VPS13A: variants seen among roughly 807,000 people sequenced by gnomAD.
VPS13A encodes vacuolar protein sorting 13 homolog A, also known as intermembrane lipid transfer protein VPS13A.
A neutral mutation model predicts 390.9 loss-of-function variants in VPS13A; 264 were observed. That is an observed-to-expected ratio of 0.68 (90% CI 0.61 to 0.75). The LOEUF (loss-of-function observed/expected upper bound fraction) is 0.75. VPS13A is among the 30% of genes least tolerant of loss of function. The pLI, the probability that VPS13A is intolerant of heterozygous loss-of-function variation, is 0.00. For synonymous variants in VPS13A, 1,231 were observed against 1,227.1 expected (o/e 1.00, Z -0.07); for missense variants, 3,409 against 3,733.9 (o/e 0.91, Z 2.27).
Position 77,381,975 on chromosome 9 carries a change from G to T in VPS13A, c.9078-1G>T. The T allele has an allele frequency of 6.3e-7, 1 of 1,592,556 alleles. No individual in the cohort carries two copies. ...ATAAAGTTATATTTTTTTTCCTCTA[G>T]AGCTACAGAGACTTCTGAAGTGGAG... On this transcript the variant is annotated splice_acceptor_variant, in intron 67 of 71. Transcript: ENST00000360280. LOFTEE classifies it high-confidence loss of function.
chr9:77,379,236 C>A (rs576950977), intron 67 of VPS13A, among the ~76,000 whole-genome samples: 1 of 145,264 alleles, frequency 6.9e-6, no homozygotes, highest in Non-Finnish European at 1.5e-5. Flanking sequence ...CCATACCCAG[C>A]TAATTTTTTT....
intron 19 of VPS13A, among the ~76,000 whole-genome samples, chr9:77,242,802 A>T (rs1316330778): frequency 6.6e-6 from 1 of 151,984 alleles, no homozygotes; most frequent in African/African-American, 2.4e-5. Context: ...AACAGTAAAT[A>T]TCCACAATAT....
At chr9:77,278,928 G>T (rs1392558983) in intron 26 of VPS13A, among the ~76,000 whole-genome samples, 1 of 152,194 alleles carries the variant, frequency 6.6e-6, no homozygotes, top group Non-Finnish European at 1.5e-5. Flanking sequence ...TCCCTAGAGG[G>T]AGCATGCAGA....
rs555835195 is a variant in VPS13A at position 77,404,709 on chromosome 9, T to TTGAATAAAACGA, written c.9276-1144_9276-1143insATGAATAAAACG. On this transcript the variant is annotated intron_variant, in intron 69 of 71. Transcript: ENST00000360280. ...AATAAGGGAAGTGAATTAGTTGTAG[T>TTGAATAAAACGA]TGAATAAAACGTGATGGTTATACTT... Among the ~76,000 whole-genome samples, 17 of 152,326 alleles carry TTGAATAAAACGA rather than the reference T, an allele frequency of 1.1e-4. No individual in the cohort carries two copies. The East Asian group carries it at 3.1e-3, about 28-fold the overall frequency.
At chr9:77,298,694 G>A (rs751998788) in intron 33 of VPS13A, among the ~76,000 whole-genome samples, 2 of 152,074 alleles carry the variant, frequency 1.3e-5, no homozygotes, top group Non-Finnish European at 2.9e-5. Context: ...ATATAGTTTG[G>A]CCATGTCCCC....
At chr9:77,281,737 G>GTATA in intron 27 of VPS13A, 130 bp from the exon 28 acceptor site, 1 of 494,772 alleles carries the variant, frequency 2.0e-6, no homozygotes, top group Non-Finnish European at 3.6e-6. Flanking sequence ...GTGTGTATAT[G>GTATA]TGTATATATA....
rs1325690140 is a variant in VPS13A at position 77,371,157 on chromosome 9, C to T, written c.9077+8C>T. ...ATTTCAGGGAATAAAAAGGTAAATC[C>T]TCTTTGGTGTAAGATATGAGTTAAA... On this transcript the variant is annotated splice_region_variant and intron_variant, in intron 67 of 71. Transcript: ENST00000360280. 9.9e-6 allele frequency: 16 copies of T among 1,613,640 alleles called. No homozygotes were observed. Among genetic ancestry groups the T allele is most frequent in the East Asian group, 4.5e-5 (2 of 44,866 alleles).
At chr9:77,281,570 TTA>T (rs1456309499) in intron 27 of VPS13A, among the ~76,000 whole-genome samples, 1 of 152,088 alleles carries the variant, frequency 6.6e-6, no homozygotes, top group African/African-American at 2.4e-5. Context: ...GACCGAATGA[TTA>T]TTCTCCACAC....
chr9:77,227,309 T>G, intron 15 of VPS13A, 82 bp from the exon 16 acceptor site: 1 of 1,003,208 alleles, frequency 1.0e-6, no homozygotes, highest in Non-Finnish European at 1.5e-6. Flanking sequence ...AAATTTCACA[T>G]TCTGTTTATT....
chr9:77,411,310 G>C (rs1376084819), intron 71 of VPS13A, among the ~76,000 whole-genome samples: 1 of 152,058 alleles, frequency 6.6e-6, no homozygotes, highest in Non-Finnish European at 1.5e-5. Flanking sequence ...GAAATTTATA[G>C]CACTAAATGT....
At chr9:77,236,936 C>T (rs1486332213) in intron 17 of VPS13A, among the ~76,000 whole-genome samples, 10 of 152,112 alleles carry the variant, frequency 6.6e-5, no homozygotes, top group East Asian at 1.9e-4. Context: ...GCCACTCTGT[C>T]GCCAGGCTGG....
At chr9:77,238,555 C>T (rs1342893639) in intron 19 of VPS13A, among the ~76,000 whole-genome samples, 169 bp downstream of exon 19, 1 of 152,056 alleles carries the variant, frequency 6.6e-6, no homozygotes, top group East Asian at 1.9e-4. Context: ...GCAGATAAAA[C>T]CATAATCATT....
At chr9:77,408,793 C>A (rs1016182827) in intron 71 of VPS13A, among the ~76,000 whole-genome samples, 1 of 152,216 alleles carries the variant, frequency 6.6e-6, no homozygotes, top group African/African-American at 2.4e-5. Context: ...AACAAAGCAG[C>A]TGGGAAGCTC....
chr9:77,327,410 G>C (rs189446871), intron 45 of VPS13A, among the ~76,000 whole-genome samples: 19 of 152,150 alleles, frequency 1.2e-4, no homozygotes, highest in African/African-American at 4.1e-4. Context: ...AAATATTTCT[G>C]TTGCTTCAAA....
chr9:77,202,517 C>G (rs921344071), intron 3 of VPS13A, among the ~76,000 whole-genome samples: 2 of 152,032 alleles, frequency 1.3e-5, no homozygotes, highest in Non-Finnish European at 2.9e-5. Flanking sequence ...CCAGTGAATG[C>G]ATATTTGGAT....
At chr9:77,368,892 G>C (rs1020548504) in intron 62 of VPS13A, among the ~76,000 whole-genome samples, 5 of 152,170 alleles carry the variant, frequency 3.3e-5, no homozygotes, top group Non-Finnish European at 7.3e-5. Context: ...CCAACACTTT[G>C]GGAGGCTGAG....
chr9:77,247,007 C>T (rs897065135), intron 19 of VPS13A, among the ~76,000 whole-genome samples: 2 of 151,834 alleles, frequency 1.3e-5, no homozygotes, highest in African/African-American at 2.4e-5. Context: ...CCAATTTTAC[C>T]CAAATTGAGT....
chr9:77,375,538 G>A (rs1833017475), intron 67 of VPS13A, among the ~76,000 whole-genome samples: 1 of 152,092 alleles, frequency 6.6e-6, no homozygotes, highest in South Asian at 2.1e-4. Context: ...AGGTAATTAG[G>A]TAATGATAAA....
chr9:77,386,402 T>C (rs11145408), intron 68 of VPS13A, among the ~76,000 whole-genome samples: 26,139 of 152,132 alleles, frequency 0.17, 2,833 homozygotes, highest in East Asian at 0.32. Context: ...TGCAAGACAT[T>C]TCCCAAATTT....
Sources: gnomAD v4.1 joint callset for allele counts (sites outside exome capture counted in the v4.1 genomes callset) on GRCh38, gnomAD v4.1.1 for gene constraint, MANE v1.5 for transcripts, NCBI Gene and HGNC (gene_info 2026-07-23, HGNC 2026-07-21) for gene names.